The following MACROD2 variants were observed in gnomAD, a reference collection of about 807,000 sequenced individuals.
MACROD2 encodes the protein mono-ADP ribosylhydrolase 2, also known as ADP-ribose glycohydrolase MACROD2.
Under a neutral mutation model 70.4 loss-of-function variants are expected in MACROD2, and 36 were observed. The observed-to-expected ratio is 0.51, with a 90% CI of 0.39 to 0.68. The LOEUF (loss-of-function observed/expected upper bound fraction) is 0.68, where lower values mean the gene tolerates loss of function less well. Ranked by LOEUF, MACROD2 falls within the 30% of genes least tolerant of loss-of-function variation. MACROD2 has a pLI of 0.00. For synonymous variants in MACROD2, 172 were observed against 178.8 expected (o/e 0.96, Z 0.30); for missense variants, 496 against 538.4 (o/e 0.92, Z 0.78).
chr20:16,020,758 C>A (rs571634212), intron 15 of MACROD2, among the ~76,000 whole-genome samples: 1,697 of 152,004 alleles, frequency 0.011, 35 homozygotes, highest in African/African-American at 0.039. Flanking sequence ...CAGCCACGTA[C>A]AAGTGGGATG....
chr20:15,654,289 C>T (rs1366543093), intron 8 of MACROD2, among the ~76,000 whole-genome samples: 1 of 152,168 alleles, frequency 6.6e-6, no homozygotes, highest in Non-Finnish European at 1.5e-5. Flanking sequence ...TCCACCTTTA[C>T]CATAGTGACC....
intron 2 of MACROD2, among the ~76,000 whole-genome samples, chr20:14,035,939 G>A (rs571498692): frequency 6.6e-6 from 1 of 152,326 alleles, no homozygotes; most frequent in South Asian, 2.1e-4. Flanking sequence ...TCAGGAGATT[G>A]AGACCATCCT....
chr20:14,597,344 C>A (rs1305525666), intron 4 of MACROD2, among the ~76,000 whole-genome samples: 1 of 152,168 alleles, frequency 6.6e-6, no homozygotes, highest in Non-Finnish European at 1.5e-5. Flanking sequence ...GGCTTCCCAT[C>A]TCTGCCCAAA....
At chr20:15,005,101 A>G (rs2075025467) in intron 5 of MACROD2, among the ~76,000 whole-genome samples, 1 of 152,204 alleles carries the variant, frequency 6.6e-6, no homozygotes, top group Admixed American at 6.5e-5. Context: ...ATGGGAAGCT[A>G]CAATAACCTA....
rs529163952 is a variant in MACROD2 at position 14,006,897 on chromosome 20, A to C, written c.163+4493A>C. On this transcript the variant is annotated intron_variant, in intron 2 of 17. Coordinates refer to ENST00000684519, the MANE Select transcript of MACROD2 (RefSeq NM_001351661.2). ...AGAGGTTTGTTCAGAGTGGGGTTTA[A>C]ATTTTTTTGAAATAATGCTTTATAG... Among the ~76,000 whole-genome samples, 7 of 152,188 alleles carry C rather than the reference A, an allele frequency of 4.6e-5. No homozygotes were observed. The South Asian group carries it at 6.2e-4, about 14-fold the overall frequency.
chr20:14,898,494 C>T (rs1038104203), intron 5 of MACROD2, among the ~76,000 whole-genome samples: 10 of 152,042 alleles, frequency 6.6e-5, no homozygotes, highest in African/African-American at 1.9e-4. Flanking sequence ...TTTGGGAGGC[C>T]GAGGCGGGCA....
rs1047889012 is a variant in MACROD2, at chr20:14,577,522, T to C, written c.301+84014T>C. 1.8e-4 allele frequency among the ~76,000 whole-genome samples: 27 copies of C among 152,304 alleles called. No individual in the cohort carries two copies. In the East Asian group the frequency reaches 4.8e-3, roughly 27 times the overall value. ...GACTGGATGTGGTGGCTCACGCCTG[T>C]GATCCCAGCGCTTTGAGGGGCTGAG... On this transcript the variant is annotated intron_variant, in intron 4 of 17. Coordinates refer to ENST00000684519, the MANE Select transcript of MACROD2 (RefSeq NM_001351661.2).
At chr20:15,769,156 T>C (rs913558255) in intron 8 of MACROD2, among the ~76,000 whole-genome samples, 19 of 152,372 alleles carry the variant, frequency 1.2e-4, no homozygotes, top group African/African-American at 4.6e-4. Context: ...TGTGTTTTTT[T>C]GTTTTTTTTG....
intron 5 of MACROD2, among the ~76,000 whole-genome samples, chr20:14,735,247 C>G (rs2071649515): frequency 6.6e-6 from 1 of 152,010 alleles, no homozygotes; most frequent in Non-Finnish European, 1.5e-5. Context: ...TCTGATGAGT[C>G]TATCTAGAAT....
intron 5 of MACROD2, among the ~76,000 whole-genome samples, chr20:15,141,090 A>T (rs1384124832): frequency 1.3e-5 from 2 of 152,088 alleles, no homozygotes; most frequent in Non-Finnish European, 2.9e-5. Context: ...ATTTACATGC[A>T]TACAGGCACT....
chr20:14,860,989 G>A (rs908076918), intron 5 of MACROD2, among the ~76,000 whole-genome samples: 1 of 152,054 alleles, frequency 6.6e-6, no homozygotes, highest in East Asian at 1.9e-4. Flanking sequence ...GTTTATTTAT[G>A]TGTTCATCTC....
intron 6 of MACROD2, among the ~76,000 whole-genome samples, chr20:15,241,010 CCAGAGCTGA>C (rs1481350611): frequency 6.6e-6 from 1 of 152,166 alleles, no homozygotes; most frequent in African/African-American, 2.4e-5. Context: ...TGTATGGCAT[CCAGAGCTGA>C]TTAATGCAGT....
intron 3 of MACROD2, among the ~76,000 whole-genome samples, chr20:14,330,421 G>A (rs1358032688): frequency 6.6e-6 from 1 of 151,968 alleles, no homozygotes; most frequent in East Asian, 1.9e-4. Flanking sequence ...GTAGCAATTT[G>A]CTTCTCCCAC....
chr20:15,279,917 G>A (rs780035012), intron 6 of MACROD2, among the ~76,000 whole-genome samples: 2 of 152,154 alleles, frequency 1.3e-5, no homozygotes, highest in Non-Finnish European at 2.9e-5. Flanking sequence ...AAGGACATAA[G>A]TACAATTCAC....
At chr20:14,086,129 T>G (rs901071306) in intron 3 of MACROD2, 2 of 341,060 alleles carry the variant, frequency 5.9e-6, no homozygotes, top group Non-Finnish European at 1.2e-5. Flanking sequence ...GATTGAACTA[T>G]GTAAGACAAA....
intron 10 of MACROD2, among the ~76,000 whole-genome samples, chr20:15,920,119 C>CT (rs961970210): frequency 5.9e-5 from 9 of 152,102 alleles, no homozygotes; most frequent in Non-Finnish European, 1.3e-4. Context: ...CAGCTGATGC[C>CT]TTCTAAAAGC....
intron 13 of MACROD2, among the ~76,000 whole-genome samples, chr20:15,977,979 C>T (rs563554993): frequency 5.3e-5 from 8 of 152,268 alleles, no homozygotes; most frequent in South Asian, 2.1e-4. Context: ...TTAGAGATTA[C>T]GTGTGAAGTA....
chr20:14,896,434 C>G (rs2073830825), intron 5 of MACROD2, among the ~76,000 whole-genome samples: 1 of 151,982 alleles, frequency 6.6e-6, no homozygotes, highest in South Asian at 2.1e-4. Flanking sequence ...TCCTTTTTCT[C>G]AAAATTCTGA....
chr20:14,226,872 C>G (rs1264029902), intron 3 of MACROD2, among the ~76,000 whole-genome samples: 5 of 152,344 alleles, frequency 3.3e-5, no homozygotes, highest in Non-Finnish European at 5.9e-5. Flanking sequence ...CATCGACCAC[C>G]CAAGGGCTGA....
Sources: allele counts gnomAD v4.1 joint callset (sites outside exome capture counted in the v4.1 genomes callset), GRCh38; gene constraint gnomAD v4.1.1; transcripts MANE v1.5; gene names NCBI Gene and HGNC (gene_info 2026-07-23, HGNC 2026-07-21).